The following RNF145 variants were observed in gnomAD, a reference collection of about 807,000 sequenced individuals.
RNF145 encodes ring finger protein 145.
RNF145 carries 12 observed loss-of-function variants against 57.3 expected under a neutral mutation model. The observed-to-expected ratio is 0.21, with a 90% CI of 0.13 to 0.34. The LOEUF (loss-of-function observed/expected upper bound fraction) is 0.34. Ranked by LOEUF, RNF145 falls within the 10% of genes least tolerant of loss-of-function variation. The pLI is 1.00. For synonymous variants in RNF145, 262 were observed against 288.3 expected (o/e 0.91, Z 0.92); for missense variants, 429 against 799.0 (o/e 0.54, Z 5.58).
At chr5:159,167,982 A>G (rs1584667938) in intron 8 of RNF145, among the ~76,000 whole-genome samples, 1 of 152,328 alleles carries the variant, frequency 6.6e-6, no homozygotes, top group East Asian at 1.9e-4. Flanking sequence ...AAGAAGCAAT[A>G]AATTCAGATG....
rs1049530894 is a variant in RNF145 at position 159,171,321 on chromosome 5, T to C, written c.798-1502A>G. ...CAACTAAAATTTTACTTCATTCTTA[T>C]TGAAAAAGGCTGAAAATTTAACCAA... is the stretch of plus-strand genomic sequence containing the variant. On this transcript the variant is annotated intron_variant, in intron 6 of 10. Transcript: ENST00000424310. Among the ~76,000 whole-genome samples the C allele has an allele frequency of 1.2e-4, 19 of 152,206 alleles. 1 individual carries two copies. The highest frequency in any genetic ancestry group is 2.5e-4 in the Non-Finnish European group (17 of 68,030).
intron 2 of RNF145, among the ~76,000 whole-genome samples, chr5:159,200,514 CTATT>C (rs1474232905): frequency 6.6e-6 from 1 of 152,062 alleles, no homozygotes; most frequent in African/African-American, 2.4e-5. Flanking sequence ...CTATAACACA[CTATT>C]CATACAGATA....
Position 159,165,510 on chromosome 5 carries a change from G to A in RNF145, c.1122-2431C>T, listed in dbSNP as rs1371548747. Among the ~76,000 whole-genome samples the A allele has an allele frequency of 3.0e-4, 7 of 23,710 alleles. 3 individuals carry two copies. Among genetic ancestry groups the A allele is most frequent in the Non-Finnish European group, 4.9e-4 (7 of 14,358 alleles). 15.6% of individuals were successfully genotyped at this position (23,710 alleles called of 152,430 possible). A position where few individuals can be genotyped will look rare whatever the true frequency, so the allele number is the denominator to read the frequency against. ...ATCCCGGCTAAAACGGTGAAACCCCGTCTCTACTAAAAATACAAAAAAATT... is the reference window on the plus strand; with the variant it reads ...ATCCCGGCTAAAACGGTGAAACCCCATCTCTACTAAAAATACAAAAAAATT... On this transcript the variant is annotated intron_variant, in intron 8 of 10. Transcript: ENST00000424310.
chr5:159,183,184 G>C (rs1784950281), intron 3 of RNF145, among the ~76,000 whole-genome samples: 1 of 152,108 alleles, frequency 6.6e-6, no homozygotes, highest in Admixed American at 6.6e-5. Flanking sequence ...CTTAGATGAT[G>C]GTTTCTAACA....
intron 3 of RNF145, among the ~76,000 whole-genome samples, chr5:159,190,428 G>A (rs1306210869): frequency 6.6e-6 from 1 of 152,050 alleles, no homozygotes; most frequent in African/African-American, 2.4e-5. Flanking sequence ...ACTCATACCT[G>A]TAATCCCAAA....
chr5:159,182,137 T>C, intron 3 of RNF145, 86 bp from the exon 4 acceptor site: 1 of 739,084 alleles, frequency 1.4e-6, no homozygotes, highest in Non-Finnish European at 2.3e-6. Context: ...ATTATGTTAA[T>C]GATACCCCTT....
chr5:159,177,991 C>T (rs895779263), intron 4 of RNF145, among the ~76,000 whole-genome samples: 2 of 151,976 alleles, frequency 1.3e-5, no homozygotes, highest in Admixed American at 6.6e-5. Flanking sequence ...AATCCTTAGT[C>T]ACATGATTGC....
At position 159,209,538 on chromosome 5, in the gene RNF145, G is replaced by GC; in HGVS notation, c.-348dup. 2.1e-6 allele frequency: 2 copies of GC among 972,710 alleles called. No individual in the cohort carries two copies. The highest frequency in any genetic ancestry group is 2.4e-6 in the Non-Finnish European group (2 of 819,766). The allele number at this position is 972,710 out of a possible 1,614,324, so 60.3% of individuals were successfully genotyped here. A position where few individuals can be genotyped will look rare whatever the true frequency, so the allele number is the denominator to read the frequency against. ...ATGGCCTCCTGCGTTTGCTCCTCCCGCCCCCGGCGCTCTGCGGCGGCCGCG... is the reference window on the plus strand; with the variant it reads ...ATGGCCTCCTGCGTTTGCTCCTCCCGCCCCCCGGCGCTCTGCGGCGGCCGCG... On this transcript the variant is annotated 5_prime_UTR_variant, in exon 1 of 11. Coordinates refer to ENST00000424310, the MANE Select transcript of RNF145 (RefSeq NM_001199383.2).
chr5:159,209,953 A>G (rs1395595202), upstream of RNF145: 5 of 1,505,902 alleles, frequency 3.3e-6, no homozygotes, highest in South Asian at 6.0e-5. Flanking sequence ...CACTGACTGG[A>G]CTAGACTGTA....
chr5:159,169,542 C>A, intron 7 of RNF145, 137 bp downstream of exon 7: 1 of 626,260 alleles, frequency 1.6e-6, no homozygotes, highest in Non-Finnish European at 2.6e-6. Context: ...TATTTTAACC[C>A]AAATGTTGCA....
chr5:159,178,259 G>C (rs1419982987), intron 4 of RNF145, among the ~76,000 whole-genome samples: 1 of 151,974 alleles, frequency 6.6e-6, no homozygotes, highest in African/African-American at 2.4e-5. Flanking sequence ...ATCGAAGTTT[G>C]TTTTTTGTAC....
intron 9 of RNF145, among the ~76,000 whole-genome samples, chr5:159,162,340 C>CAT (rs1784244113): frequency 1.3e-5 from 2 of 151,744 alleles, no homozygotes; most frequent in Non-Finnish European, 2.9e-5. Context: ...ACCTCTGTAT[C>CAT]ATACCATTTT....
intron 4 of RNF145, among the ~76,000 whole-genome samples, chr5:159,181,226 G>C (rs1226796081): frequency 6.6e-6 from 1 of 150,806 alleles, no homozygotes; most frequent in Admixed American, 6.6e-5. Flanking sequence ...CCAGTCCACA[G>C]CATTCCCCCC....
intron 7 of RNF145, 147 bp from the exon 8 acceptor site, chr5:159,169,202 T>C: frequency 1.7e-6 from 1 of 579,756 alleles, no homozygotes; most frequent in Non-Finnish European, 2.9e-6. Flanking sequence ...GATCAGTATA[T>C]TAACTTTGTA....
At chr5:159,208,270 TC>T (rs1785973376) in intron 1 of RNF145, 13 of 640,582 alleles carry the variant, frequency 2.0e-5, no homozygotes, top group Admixed American at 8.8e-5. Flanking sequence ...CAGCAAAAAC[TC>T]TTCCAGGAAA....
intron 2 of RNF145, among the ~76,000 whole-genome samples, chr5:159,195,875 A>G (rs1320018739): frequency 6.6e-6 from 1 of 152,186 alleles, no homozygotes; most frequent in African/African-American, 2.4e-5. Context: ...CCTGAGATAT[A>G]TTCCACTTAA....
rs553614180 is a variant in RNF145 at position 159,204,957 on chromosome 5, C to T, written c.-39-1301G>A. On this transcript the variant is annotated intron_variant, in intron 1 of 10. Transcript: ENST00000424310. ...TTCCAGCTTTAGCAGTAATTTCAGA[C>T]ATTACAGGACAAACGAAAACATTTA... Among the ~76,000 whole-genome samples the T allele has an allele frequency of 7.2e-5, 11 of 152,164 alleles. No individual in the cohort carries two copies. The South Asian group carries it at 8.3e-4, about 11-fold the overall frequency.
rs1235165364 is a variant in RNF145, at chr5:159,207,985, T to A, written c.-40+1246A>T. ...ATTCAGTAAAACTGCACACTCCGTA[T>A]TTTAAAAAATAAAAAGACACACAGT... On this transcript the variant is annotated intron_variant, in intron 1 of 10. Transcript: ENST00000424310. 4 of 1,566,406 alleles carry A rather than the reference T, an allele frequency of 2.6e-6. No individual in the cohort carries two copies. The East Asian group carries it at 7.0e-5, about 27-fold the overall frequency.
At chr5:159,190,668 G>A (rs917525440) in intron 3 of RNF145, among the ~76,000 whole-genome samples, 2 of 121,066 alleles carry the variant, frequency 1.7e-5, no homozygotes, top group Middle Eastern at 0.011. Context: ...TGGTGACACA[G>A]TGACAACCAT....
Sources: allele counts gnomAD v4.1 joint callset (sites outside exome capture counted in the v4.1 genomes callset), GRCh38; gene constraint gnomAD v4.1.1; transcripts MANE v1.5; gene names NCBI Gene and HGNC (gene_info 2026-07-23, HGNC 2026-07-21).